Variants in TENM2 observed in about 807,000 individuals in gnomAD.
TENM2 encodes the protein teneurin-2.
In TENM2, 52 loss-of-function variants were observed where a neutral mutation model predicts 245.2. That is an observed-to-expected ratio of 0.21 (90% confidence interval 0.17 to 0.27). The LOEUF (loss-of-function observed/expected upper bound fraction) is 0.27, where lower values mean the gene tolerates loss of function less well. Among genes scored for constraint, TENM2 ranks in the 10% least tolerant of loss-of-function variants. The pLI is 1.00. For synonymous variants in TENM2, 1,363 were observed against 1,438.9 expected, an observed-to-expected ratio of 0.95 and a Z score of 1.19; for missense variants, 3,046 against 3,666.8, an observed-to-expected ratio of 0.83 and a Z score of 4.37.
the TENM2 span, among the ~76,000 whole-genome samples, chr5:167,178,605 C>G: frequency 1.3e-5 from 2 of 152,220 alleles, no homozygotes; most frequent in Non-Finnish European, 1.5e-5. Flanking sequence ...TGTGTTAAGC[C>G]TGTGGCGAGT....
At chr5:167,017,108 A>C in the TENM2 span, among the ~76,000 whole-genome samples, 1 of 152,148 alleles carries the variant, frequency 6.6e-6, no homozygotes, top group Non-Finnish European at 1.5e-5. Context: ...GAGATAACTG[A>C]ACATTGTTGA....
chr5:167,883,607 A>C (rs1301343292), intron 3 of TENM2, among the ~76,000 whole-genome samples: 1 of 152,172 alleles, frequency 6.6e-6, no homozygotes, highest in Non-Finnish European at 1.5e-5. Flanking sequence ...CTCAGGGTCG[A>C]TAGGCATTGT....
intron 2 of TENM2, among the ~76,000 whole-genome samples, chr5:167,453,786 A>G (rs1047904284): frequency 1.3e-5 from 2 of 152,146 alleles, no homozygotes; most frequent in African/African-American, 4.8e-5. Flanking sequence ...ACATCCACTC[A>G]TCTCAACATT....
chr5:167,993,785 C>G (rs1217661722), intron 5 of TENM2, among the ~76,000 whole-genome samples: 3 of 152,234 alleles, frequency 2.0e-5, no homozygotes, highest in Non-Finnish European at 4.4e-5. Flanking sequence ...CCTCAACTCT[C>G]TCCTCACCAT....
the TENM2 span, among the ~76,000 whole-genome samples, chr5:167,241,117 T>C: frequency 1.3e-5 from 2 of 151,152 alleles, no homozygotes; most frequent in East Asian, 1.9e-4. Context: ...TTACTTTTGA[T>C]CCTGTCTCAT....
chr5:167,334,584 T>A (rs1408519633), intron 1 of TENM2, among the ~76,000 whole-genome samples: 1 of 152,208 alleles, frequency 6.6e-6, no homozygotes, highest in Non-Finnish European at 1.5e-5. Context: ...TTGTCTCTCT[T>A]TCCTTTTCTT....
chr5:167,162,843 A>C, the TENM2 span, among the ~76,000 whole-genome samples: 1 of 152,188 alleles, frequency 6.6e-6, no homozygotes, highest in Non-Finnish European at 1.5e-5. Context: ...TTTTCTTGCC[A>C]ATGAATTATT....
At chr5:167,936,812 G>A (rs1778756511) in intron 3 of TENM2, among the ~76,000 whole-genome samples, 1 of 152,128 alleles carries the variant, frequency 6.6e-6, no homozygotes, top group South Asian at 2.1e-4. Context: ...ACACACCCCA[G>A]CCCTGTCTCA....
At chr5:167,759,223 C>G (rs745793656) in intron 2 of TENM2, among the ~76,000 whole-genome samples, 3 of 151,262 alleles carry the variant, frequency 2.0e-5, no homozygotes, top group Non-Finnish European at 4.4e-5. Context: ...CTTAACTTCT[C>G]TGTGTCTCAG....
intron 3 of TENM2, among the ~76,000 whole-genome samples, chr5:167,899,624 A>G (rs1178788210): frequency 2.6e-5 from 4 of 152,180 alleles, no homozygotes; most frequent in African/African-American, 9.7e-5. Flanking sequence ...AGCTCCCGAG[A>G]GACACCTGAC....
chr5:168,219,084 A>T, intron 23 of TENM2, 85 bp downstream of exon 25: 1 of 1,355,738 alleles, frequency 7.4e-7, no homozygotes, highest in Non-Finnish European at 1.0e-6. Context: ...TAGCTTTTTA[A>T]ATTGCTTTGT....
rs575195186 is a variant in TENM2, at chr5:167,675,406, A to G, written c.503-200580A>G. Among the ~76,000 whole-genome samples, 5 of 152,228 alleles carry G rather than the reference A, an allele frequency of 3.3e-5. No individual in the cohort carries two copies. In the East Asian group the frequency reaches 9.7e-4, roughly 29 times the overall value. On this transcript the variant is annotated intron_variant, in intron 2 of 28. Coordinates refer to ENST00000518659, the Ensembl canonical transcript of TENM2. ...TAATAATCTTGGGCTCTCTAAAATT[A>G]TATGAACCCACAGTACATTTTTGTA...
At chr5:168,127,037 T>G (rs1795903189) in intron 12 of TENM2, 71 bp downstream of exon 14, 1 of 1,304,638 alleles carries the variant, frequency 7.7e-7, no homozygotes, top group Non-Finnish European at 1.1e-6. Flanking sequence ...GGCTGTTCCT[T>G]CAGGGACACA....
chr5:167,924,996 A>G (rs761877246), intron 3 of TENM2, among the ~76,000 whole-genome samples: 29 of 152,192 alleles, frequency 1.9e-4, no homozygotes, highest in Non-Finnish European at 3.5e-4. Flanking sequence ...ATACAGTTAA[A>G]CATATACCCA....
intron 3 of TENM2, 46 bp downstream of exon 5, chr5:167,876,241 A>G: frequency 6.9e-7 from 1 of 1,447,484 alleles, no homozygotes; most frequent in Non-Finnish European, 9.5e-7. Flanking sequence ...TTCGTGAGTG[A>G]CATTCTTGAT....
At chr5:168,064,512 A>G (rs1158463033) in intron 7 of TENM2, among the ~76,000 whole-genome samples, 2 of 152,184 alleles carry the variant, frequency 1.3e-5, no homozygotes, top group Admixed American at 6.5e-5. Context: ...GTGGTAGTGG[A>G]CAGCAGGCAG....
rs954847330 is a variant in TENM2, at chr5:167,357,090, A to T, written c.227-18108A>T. 2.6e-5 allele frequency among the ~76,000 whole-genome samples: 4 copies of T among 152,162 alleles called. No homozygotes were observed. The South Asian group carries it at 6.2e-4, about 24-fold the overall frequency. ...CGACATTTTTTTTAAATCTAAATGT[A>T]TGAATTCCAATATTTTGAGGAAAAA... On this transcript the variant is annotated intron_variant, in intron 1 of 28. Coordinates refer to ENST00000518659, the Ensembl canonical transcript of TENM2.
chr5:168,187,876 C>T (rs893665572), intron 13 of TENM2, among the ~76,000 whole-genome samples: 2 of 152,174 alleles, frequency 1.3e-5, no homozygotes, highest in African/African-American at 2.4e-5. Context: ...CATATCAGCC[C>T]GAGATGTTCA....
chr5:167,421,863 G>A (rs1424092536), intron 2 of TENM2, among the ~76,000 whole-genome samples: 3 of 152,040 alleles, frequency 2.0e-5, no homozygotes, highest in Non-Finnish European at 2.9e-5. Context: ...CATGATCTTG[G>A]CTCACTGCAA....
Sources: gnomAD v4.1 joint callset for allele counts (sites outside exome capture counted in the v4.1 genomes callset) on GRCh38, gnomAD v4.1.1 for gene constraint, MANE v1.5 for transcripts, NCBI Gene and HGNC (gene_info 2026-07-23, HGNC 2026-07-21) for gene names.